TXNRD2: variants seen among roughly 807,000 people sequenced by gnomAD.
TXNRD2 encodes thioredoxin reductase 2, mitochondrial.
A neutral mutation model predicts 70.8 loss-of-function variants in TXNRD2; 67 were observed. The ratio of observed to expected loss-of-function variants is 0.95; its 90% CI spans 0.78 to 1.16. The LOEUF (loss-of-function observed/expected upper bound fraction) is 1.16. Ranked by LOEUF, TXNRD2 falls within the 50% of genes most tolerant of loss-of-function variation. TXNRD2 has a pLI of 0.00. For missense variants in TXNRD2, 644 were observed against 719.9 expected (o/e 0.89, Z 1.21); for synonymous variants, 301 against 295.8 (o/e 1.02, Z -0.18).
Position 19,919,600 on chromosome 22 carries a change from C to G in TXNRD2, c.173-1G>C. 1.3e-6 allele frequency: 2 copies of G among 1,558,958 alleles called. No individual in the cohort carries two copies. The highest frequency in any genetic ancestry group is 1.7e-6 in the Non-Finnish European group (2 of 1,152,070). On this transcript the variant is annotated splice_acceptor_variant, in intron 2 of 17. Coordinates refer to ENST00000400521, the MANE Select transcript of TXNRD2 (RefSeq NM_006440.5). LOFTEE classifies it high-confidence loss of function. ...GCCACCTTCCTTCCCAGCTGGGCGGCTGGAAGGATAAGGAGAGCAGCAGGT... is the reference window on the plus strand; with the variant it reads ...GCCACCTTCCTTCCCAGCTGGGCGGGTGGAAGGATAAGGAGAGCAGCAGGT...
chr22:19,941,184 T>G (rs1338403326), intron 1 of TXNRD2, among the ~76,000 whole-genome samples: 1 of 152,152 alleles, frequency 6.6e-6, no homozygotes, highest in Non-Finnish European at 1.5e-5. Flanking sequence ...AGGCTTGAAC[T>G]GTCCTGAGTG....
intron 8 of TXNRD2, among the ~76,000 whole-genome samples, chr22:19,903,567 G>A (rs1453568351): frequency 3.9e-5 from 6 of 152,256 alleles, no homozygotes; most frequent in Non-Finnish European, 5.9e-5. Flanking sequence ...GAGGCTTCCC[G>A]GTGGAGGCAG....
intron 5 of TXNRD2, 96 bp downstream of exon 5, chr22:19,918,047 G>A: frequency 9.2e-7 from 1 of 1,090,464 alleles, no homozygotes; most frequent in Non-Finnish European, 1.4e-6. Flanking sequence ...GAGCCTGCCA[G>A]AGCATGCTCT....
chr22:19,905,610 G>C (rs73383866), intron 8 of TXNRD2, among the ~76,000 whole-genome samples: 1,682 of 152,240 alleles, frequency 0.011, 31 homozygotes, highest in African/African-American at 0.039. Flanking sequence ...GAAGACCCCA[G>C]TACATCGAGG....
chr22:19,877,938 C>A, intron 16 of TXNRD2, 152 bp downstream of exon 16: 1 of 726,448 alleles, frequency 1.4e-6, no homozygotes, highest in South Asian at 1.5e-5. Context: ...AAAACCCGCC[C>A]TGTCTGAGGG....
At chr22:19,915,902 G>T (rs1252260603) in intron 5 of TXNRD2, 59 bp from the exon 6 acceptor site, 23 of 1,456,790 alleles carry the variant, frequency 1.6e-5, no homozygotes, top group Non-Finnish European at 2.0e-5. Context: ...CTCACCAACT[G>T]GATCAATAGG....
At position 19,875,792 on chromosome 22, in the gene TXNRD2, C is replaced by T. The variant is rs1429250335; in HGVS notation, c.*81G>A. ...AGGAGAGGGTTGAGGCCCCCCAAAC[C>T]TGGCCTGCAGCCATCCTGCCAACAA... On this transcript the variant is annotated 3_prime_UTR_variant, in exon 18 of 18. Transcript: ENST00000400521. 2.0e-5 allele frequency: 3 copies of T among 152,508 alleles called. No homozygotes were observed. Among genetic ancestry groups the T allele is most frequent in the Admixed American group, 6.5e-5 (1 of 15,304 alleles). 9.4% of individuals were successfully genotyped at this position (152,508 alleles called of 1,614,324 possible). A position where few individuals can be genotyped will look rare whatever the true frequency, so the allele number is the denominator to read the frequency against.
intron 2 of TXNRD2, among the ~76,000 whole-genome samples, chr22:19,926,240 G>A (rs1025453646): frequency 5.6e-5 from 8 of 142,680 alleles, no homozygotes; most frequent in Non-Finnish European, 9.5e-5. Context: ...CTGTAATACC[G>A]GCACTCTGGG....
chr22:19,919,000 G>A lies in TXNRD2; in HGVS notation c.234C>T (p.Thr78=), dbSNP rs1394643496. 7.5e-6 allele frequency: 12 copies of A among 1,609,318 alleles called. No homozygotes were observed. The highest frequency in any genetic ancestry group is 1.0e-5 in the Non-Finnish European group (12 of 1,179,516). The change falls in exon 4 of 18, where the codon ACC becomes ACT. Residue 78 remains threonine, a synonymous_variant. Coordinates refer to ENST00000400521, the MANE Select transcript of TXNRD2 (RefSeq NM_006440.5). ...VDYVEPSPQG[T]RWGLGGTCVN... is the part of the protein sequence containing the mutation. Reference sequence around the variant, plus strand: ...CGCAGGTGCCGCCGAGGCCCCACCGGGTGCCTGGGACGTGGGAAGAGCACA... The same window carrying A: ...CGCAGGTGCCGCCGAGGCCCCACCGAGTGCCTGGGACGTGGGAAGAGCACA...
chr22:19,921,322 G>A lies in TXNRD2; in HGVS notation c.173-1723C>T, dbSNP rs138603744. On this transcript the variant is annotated intron_variant, in intron 2 of 17. Transcript: ENST00000400521. Reference sequence around the variant, plus strand: ...CCCAGCTGCTCGGGAGGCTAAGGTGGGGGGATGGCTTGAGCTTAGCAGGTG... The same window carrying A: ...CCCAGCTGCTCGGGAGGCTAAGGTGAGGGGATGGCTTGAGCTTAGCAGGTG... Among the ~76,000 whole-genome samples, 309 of 151,864 alleles carry A rather than the reference G, an allele frequency of 2.0e-3. 1 individual carries two copies. The highest frequency in any genetic ancestry group is 7.2e-3 in the African/African-American group (300 of 41,396).
chr22:19,910,086 G>A (rs978736770), intron 8 of TXNRD2, among the ~76,000 whole-genome samples: 8 of 152,188 alleles, frequency 5.3e-5, no homozygotes, highest in African/African-American at 1.2e-4. Context: ...GGGAAGGCTC[G>A]AGACTGCTAT....
chr22:19,905,793 C>G (rs1015836877), intron 8 of TXNRD2, among the ~76,000 whole-genome samples: 2 of 151,864 alleles, frequency 1.3e-5, no homozygotes, highest in Non-Finnish European at 2.9e-5. Context: ...AGAACAGTGC[C>G]TCGAGATGGG....
intron 11 of TXNRD2, chr22:19,893,962 C>T (rs1354811780): frequency 6.6e-6 from 1 of 152,194 alleles, no homozygotes; most frequent in Non-Finnish European, 1.5e-5. Context: ...GGCTTGTGCA[C>T]ACCCATGTTC....
At chr22:19,900,274 A>G (rs887261133) in intron 8 of TXNRD2, among the ~76,000 whole-genome samples, 48 of 152,322 alleles carry the variant, frequency 3.2e-4, no homozygotes, top group African/African-American at 1.2e-3. Flanking sequence ...ATGCATTCCC[A>G]GCCCCGCTCA....
At chr22:19,915,892 C>G in intron 5 of TXNRD2, 49 bp from the exon 6 acceptor site, 1 of 1,539,798 alleles carries the variant, frequency 6.5e-7, no homozygotes, top group Non-Finnish European at 9.0e-7. Flanking sequence ...CAAATTAAAC[C>G]TCACCAACTG....
chr22:19,909,906 ACACC>A (rs1569094028), intron 8 of TXNRD2, among the ~76,000 whole-genome samples: 95 of 21,932 alleles, frequency 4.3e-3, no homozygotes, highest in East Asian at 0.011. Flanking sequence ...CACACACCAC[ACACC>A]CACACCCTTC....
chr22:19,938,395 A>C (rs1941601104), intron 1 of TXNRD2, among the ~76,000 whole-genome samples: 1 of 152,256 alleles, frequency 6.6e-6, no homozygotes, highest in South Asian at 2.1e-4. Flanking sequence ...CCAGCGGTGA[A>C]AAAGCCGCTT....
chr22:19,928,416 G>T (rs7290448), intron 2 of TXNRD2, among the ~76,000 whole-genome samples: 2 of 152,068 alleles, frequency 1.3e-5, no homozygotes, highest in Non-Finnish European at 1.5e-5. Flanking sequence ...CGACACTCGC[G>T]CCAACGAAGA....
rs781444138 is a variant in TXNRD2 at position 19,899,112 on chromosome 22, T to C, written c.663-44A>G. The C allele has an allele frequency of 2.5e-6, 4 of 1,605,532 alleles. No individual in the cohort carries two copies. In the African/African-American group the frequency reaches 5.3e-5, roughly 21 times the overall value. ...GAGAGCACATGTAAAGCTGAGGCCC[T>C]TATTGACCAAGTGCAGTCAGAGCAG... On this transcript the variant is annotated intron_variant, in intron 8 of 17. Transcript: ENST00000400521.
Sources: gnomAD v4.1 joint callset for allele counts (sites outside exome capture counted in the v4.1 genomes callset) on GRCh38, gnomAD v4.1.1 for gene constraint, MANE v1.5 for transcripts, NCBI Gene and HGNC (gene_info 2026-07-23, HGNC 2026-07-21) for gene names.